The following ENTHD1 variants were observed in gnomAD, a reference collection of about 807,000 sequenced individuals.
ENTHD1 encodes the protein ENTH domain-containing protein 1.
Under a neutral mutation model 39.1 loss-of-function variants are expected in ENTHD1, and 23 were observed. The observed-to-expected ratio is 0.59, with a 90% CI of 0.42 to 0.83. The LOEUF (loss-of-function observed/expected upper bound fraction) is 0.83, where lower values mean the gene tolerates loss of function less well. Among genes scored for constraint, ENTHD1 ranks in the 40% least tolerant of loss-of-function variants. ENTHD1 has a pLI of 0.00. For missense variants in ENTHD1, 624 were observed against 705.4 expected (o/e 0.88, Z 1.31); for synonymous variants, 230 against 258.2 (o/e 0.89, Z 1.05).
At chr22:39,891,863 G>A (rs1335206696) in intron 1 of ENTHD1, among the ~76,000 whole-genome samples, 3 of 151,832 alleles carry the variant, frequency 2.0e-5, no homozygotes, top group Admixed American at 6.6e-5. Context: ...CAAGTGATCC[G>A]CCTGCCTCGG....
intron 6 of ENTHD1, 147 bp downstream of exon 6, chr22:39,765,076 T>C (rs2065263773): frequency 1.2e-5 from 16 of 1,320,082 alleles, no homozygotes; most frequent in African/African-American, 3.0e-5. Context: ...GTGTATGGCA[T>C]GTACATTTTA....
intron 6 of ENTHD1, among the ~76,000 whole-genome samples, chr22:39,749,954 T>C (rs1295318495): frequency 1.3e-5 from 2 of 152,238 alleles, no homozygotes; most frequent in African/African-American, 2.4e-5. Flanking sequence ...TGCGTACTCC[T>C]GGACCAGGAT....
chr22:39,871,949 T>G (rs2066247665), intron 2 of ENTHD1, among the ~76,000 whole-genome samples: 1 of 152,236 alleles, frequency 6.6e-6, no homozygotes, highest in South Asian at 2.1e-4. Flanking sequence ...TTTGCTCACT[T>G]AAGCTATAAA....
chr22:39,885,057 TTAAAG>T (rs1371305457), intron 2 of ENTHD1, among the ~76,000 whole-genome samples: 1 of 152,132 alleles, frequency 6.6e-6, no homozygotes, highest in Non-Finnish European at 1.5e-5. Context: ...TCCAACAAAA[TTAAAG>T]GAATCTACAG....
intron 3 of ENTHD1, among the ~76,000 whole-genome samples, chr22:39,837,844 C>T (rs2065917353): frequency 6.6e-6 from 1 of 152,198 alleles, no homozygotes; most frequent in South Asian, 2.1e-4. Context: ...CCTTTGCCAT[C>T]CATCTTAGGA....
rs1231376399 is a variant in ENTHD1, at chr22:39,743,085, T to C, written c.*594A>G. 2 of 152,234 alleles carry C rather than the reference T, an allele frequency of 1.3e-5. No homozygotes were observed. Among genetic ancestry groups the C allele is most frequent in the Admixed American group, 6.5e-5 (1 of 15,284 alleles). 9.4% of individuals were successfully genotyped at this position (152,234 alleles called of 1,614,324 possible). A position where few individuals can be genotyped will look rare whatever the true frequency, so the allele number is the denominator to read the frequency against. On this transcript the variant is annotated 3_prime_UTR_variant, in exon 7 of 7. Transcript: ENST00000325157. ...TATTTTCTGAAGTAGAATAAAAGGA[T>C]GCATTTGAATTCACCTTGCAATATA...
rs2065074576 is a variant in ENTHD1 at position 39,743,425 on chromosome 22, A to G, written c.*254T>C. ...AACCCATTTGAGGTACAGAGCATGAAAGAATGAAATTCTCTTCTGTTTCAA... is the reference window on the plus strand; with the variant it reads ...AACCCATTTGAGGTACAGAGCATGAGAGAATGAAATTCTCTTCTGTTTCAA... On this transcript the variant is annotated 3_prime_UTR_variant, in exon 7 of 7. Transcript: ENST00000325157. The G allele has an allele frequency of 3.1e-5, 12 of 393,270 alleles. No homozygotes were observed. The South Asian group carries it at 5.3e-4, about 17-fold the overall frequency. The allele number at this position is 393,270 out of a possible 1,614,324, so 24.4% of individuals were successfully genotyped here.
intron 6 of ENTHD1, among the ~76,000 whole-genome samples, chr22:39,756,119 G>A (rs371171527): frequency 6.6e-6 from 1 of 152,120 alleles, no homozygotes; most frequent in Non-Finnish European, 1.5e-5. Context: ...GGCTCATGCT[G>A]CCTCTTCTGT....
chr22:39,797,000 C>T (rs1316071930), intron 5 of ENTHD1, among the ~76,000 whole-genome samples: 1 of 152,190 alleles, frequency 6.6e-6, no homozygotes, highest in African/African-American at 2.4e-5. Context: ...GAGCCTATCT[C>T]ACCTTTTAGA....
intron 2 of ENTHD1, among the ~76,000 whole-genome samples, chr22:39,868,601 C>G (rs2066210021): frequency 6.6e-6 from 1 of 152,034 alleles, no homozygotes; most frequent in African/African-American, 2.4e-5. Flanking sequence ...AAAGCAACTG[C>G]AATAAAACCC....
At chr22:39,828,859 A>G (rs2065845536) in intron 4 of ENTHD1, among the ~76,000 whole-genome samples, 1 of 152,256 alleles carries the variant, frequency 6.6e-6, no homozygotes, top group South Asian at 2.1e-4. Context: ...CTTAGTTTCA[A>G]AAGTAACATT....
chr22:39,871,274 G>C (rs1325742932), intron 2 of ENTHD1, among the ~76,000 whole-genome samples: 1 of 151,984 alleles, frequency 6.6e-6, no homozygotes, highest in Non-Finnish European at 1.5e-5. Flanking sequence ...ATGAATATCT[G>C]TTCTAGGAAA....
At chr22:39,817,969 A>T (rs762481200) in intron 5 of ENTHD1, among the ~76,000 whole-genome samples, 13 of 151,958 alleles carry the variant, frequency 8.6e-5, no homozygotes, top group Non-Finnish European at 1.8e-4. Context: ...TGACACTGAC[A>T]CTCCTTCCTC....
intron 5 of ENTHD1, among the ~76,000 whole-genome samples, chr22:39,779,114 C>T (rs866956712): frequency 2.6e-5 from 4 of 151,930 alleles, no homozygotes; most frequent in Non-Finnish European, 5.9e-5. Flanking sequence ...GTCAGGAGTT[C>T]GAGACCAGCC....
chr22:39,772,901 C>A (rs2065338185), intron 5 of ENTHD1, among the ~76,000 whole-genome samples: 1 of 151,760 alleles, frequency 6.6e-6, no homozygotes, highest in South Asian at 2.1e-4. Context: ...TTCATAATGA[C>A]AAAAGGGCCA....
rs1257212475 is a variant in ENTHD1 at position 39,788,266 on chromosome 22, T to A, written c.833-22657A>T. The stretch of plus-strand genomic sequence containing the variant: ...TTCTAGATGTCATTAAGAACATTTG[T>A]GATTTATGGGAGATCAAATTATCAA... On this transcript the variant is annotated intron_variant, in intron 5 of 6. Transcript: ENST00000325157. Among the ~76,000 whole-genome samples, 7 of 152,210 alleles carry A rather than the reference T, an allele frequency of 4.6e-5. No individual in the cohort carries two copies. In the East Asian group the frequency reaches 1.3e-3, roughly 29 times the overall value.
intron 2 of ENTHD1, among the ~76,000 whole-genome samples, chr22:39,884,077 G>A (rs1453891535): frequency 6.6e-6 from 1 of 152,046 alleles, no homozygotes; most frequent in East Asian, 1.9e-4. Flanking sequence ...GACATCCTGT[G>A]TACAAAGATT....
In ENTHD1 at chr22:39,744,272, A is replaced by ATTT; in HGVS notation, c.1230_1231insAAA (p.Ala410_Ser411insLys). On this transcript the variant is annotated inframe_insertion, in exon 7 of 7. Coordinates refer to ENST00000325157, the MANE Select transcript of ENTHD1 (RefSeq NM_152512.4). ...GGAGAAAAGGAAGATGCTCCCTCAGAAGCAGTTGAAACTAAAATGTGTAAA... is the reference window on the plus strand; with the variant it reads ...GGAGAAAAGGAAGATGCTCCCTCAGATTTAGCAGTTGAAACTAAAATGTGTAAA... The ATTT allele has an allele frequency of 6.3e-7, 1 of 1,594,604 alleles. No homozygotes were observed. The highest frequency in any genetic ancestry group is 1.1e-5 in the South Asian group (1 of 87,198).
intron 2 of ENTHD1, among the ~76,000 whole-genome samples, chr22:39,873,867 C>G (rs2066264580): frequency 6.6e-6 from 1 of 152,128 alleles, no homozygotes; most frequent in Non-Finnish European, 1.5e-5. Context: ...GTTTCTCTGA[C>G]AAGGTAAAAA....
Sources: allele counts gnomAD v4.1 joint callset (sites outside exome capture counted in the v4.1 genomes callset), GRCh38; gene constraint gnomAD v4.1.1; transcripts MANE v1.5; gene names NCBI Gene and HGNC (gene_info 2026-07-23, HGNC 2026-07-21).